ZNRF1: variants seen among roughly 807,000 people sequenced by gnomAD.
ZNRF1 encodes the protein zinc and ring finger 1.
ZNRF1 carries 3 observed loss-of-function variants against 18.4 expected under a neutral mutation model. The ratio of observed to expected loss-of-function variants is 0.16; its 90% CI spans 0.07 to 0.42. The LOEUF is 0.42. Ranked by LOEUF, ZNRF1 falls within the 10% of genes least tolerant of loss-of-function variation. The pLI is 0.99. For synonymous variants in ZNRF1, 157 were observed against 144.2 expected (o/e 1.09, Z -0.64); for missense variants, 310 against 329.8 (o/e 0.94, Z 0.47).
chr16:75,028,330 G>A (rs533153447), intron 1 of ZNRF1, among the ~76,000 whole-genome samples: 2 of 152,240 alleles, frequency 1.3e-5, no homozygotes, highest in South Asian at 2.1e-4. Context: ...AGTTTCACTC[G>A]ACGCCCAGGC....
rs1427671344 is a variant in ZNRF1 at position 75,085,618 on chromosome 16, A to G, written c.425-7954A>G. Among the ~76,000 whole-genome samples, 6 of 152,226 alleles carry G rather than the reference A, an allele frequency of 3.9e-5. No homozygotes were observed. In the East Asian group the frequency reaches 7.7e-4, roughly 20 times the overall value. On this transcript the variant is annotated intron_variant, in intron 1 of 4. Coordinates refer to ENST00000335325, the MANE Select transcript of ZNRF1 (RefSeq NM_032268.5). Reference sequence around the variant, plus strand: ...ATAAGAAACTACCAGACCTTTCCCCAAAGTGGCTGTGTCATTTTATATTCC... The same window carrying G: ...ATAAGAAACTACCAGACCTTTCCCCGAAGTGGCTGTGTCATTTTATATTCC...
At chr16:75,079,013 C>G (rs1319238802) in intron 1 of ZNRF1, among the ~76,000 whole-genome samples, 2 of 152,222 alleles carry the variant, frequency 1.3e-5, no homozygotes, top group African/African-American at 4.8e-5. Context: ...TTACTCCCAA[C>G]CTTCTCCTTC....
At chr16:75,073,162 G>GTCTCTCTC (rs769783120) in intron 1 of ZNRF1, among the ~76,000 whole-genome samples, 3 of 136,284 alleles carry the variant, frequency 2.2e-5, no homozygotes, top group Non-Finnish European at 4.8e-5. Context: ...CTGTCTCTCT[G>GTCTCTCTC]TCTATATATA....
At chr16:75,011,308 G>A (rs2034996905) in intron 1 of ZNRF1, among the ~76,000 whole-genome samples, 2 of 152,192 alleles carry the variant, frequency 1.3e-5, no homozygotes, top group Non-Finnish European at 2.9e-5. Flanking sequence ...CATTTAGATT[G>A]TGTAAATGAT....
At chr16:75,000,824 C>T (rs1051747992) in intron 1 of ZNRF1, among the ~76,000 whole-genome samples, 7 of 152,116 alleles carry the variant, frequency 4.6e-5, no homozygotes, top group Non-Finnish European at 8.8e-5. Context: ...TTGGTCTTCC[C>T]GTGAATCTGC....
At chr16:75,070,088 T>C (rs1161317372) in intron 1 of ZNRF1, among the ~76,000 whole-genome samples, 1 of 152,074 alleles carries the variant, frequency 6.6e-6, no homozygotes, top group Non-Finnish European at 1.5e-5. Flanking sequence ...GCAGAAAATA[T>C]AAGGGGATGC....
At chr16:75,032,080 A>G (rs1263555863) in intron 1 of ZNRF1, among the ~76,000 whole-genome samples, 2 of 137,774 alleles carry the variant, frequency 1.5e-5, no homozygotes, top group African/African-American at 5.4e-5. Flanking sequence ...TTTGCAAAGG[A>G]TATTGGGCAT....
intron 1 of ZNRF1, among the ~76,000 whole-genome samples, chr16:75,092,001 A>G (rs1334415033): frequency 6.6e-6 from 1 of 152,150 alleles, no homozygotes; most frequent in Non-Finnish European, 1.5e-5. Context: ...TGTTATTAAG[A>G]AAATGATAAG....
intron 4 of ZNRF1, 117 bp from the exon 5 acceptor site, chr16:75,107,616 C>G (rs551389605): frequency 2.2e-4 from 96 of 431,862 alleles, no homozygotes; most frequent in African/African-American, 1.8e-3. Flanking sequence ...TGTTTGGCTT[C>G]TGGGGTCCTG....
intron 2 of ZNRF1, 81 bp from the exon 3 acceptor site, chr16:75,104,703 A>T (rs562314601): frequency 1.6e-6 from 2 of 1,253,158 alleles, no homozygotes; most frequent in Non-Finnish European, 2.3e-6. Flanking sequence ...GCAGTCCCCT[A>T]GTTCCTAGGC....
chr16:75,035,341 G>A (rs2035364190), intron 1 of ZNRF1, among the ~76,000 whole-genome samples: 1 of 152,168 alleles, frequency 6.6e-6, no homozygotes, highest in African/African-American at 2.4e-5. Context: ...GCCTTAAAAT[G>A]TTTTTCTTAT....
chr16:75,007,997 T>G (rs148752011), intron 1 of ZNRF1, among the ~76,000 whole-genome samples: 1 of 152,276 alleles, frequency 6.6e-6, no homozygotes, highest in East Asian at 1.9e-4. Context: ...CTGGAGTATC[T>G]GGGACTACAG....
intron 1 of ZNRF1, among the ~76,000 whole-genome samples, chr16:75,026,168 C>T (rs1330203599): frequency 6.6e-6 from 1 of 152,126 alleles, no homozygotes; most frequent in Admixed American, 6.6e-5. Context: ...AATAACTAAG[C>T]ATCTTATTTG....
intron 1 of ZNRF1, among the ~76,000 whole-genome samples, chr16:75,027,446 C>G (rs1285693328): frequency 6.6e-6 from 1 of 152,112 alleles, no homozygotes; most frequent in African/African-American, 2.4e-5. Context: ...GATTTTCTTA[C>G]CTTGTCAGCC....
intron 1 of ZNRF1, among the ~76,000 whole-genome samples, chr16:75,050,884 A>C (rs1378268032): frequency 1.4e-4 from 14 of 101,894 alleles, no homozygotes; most frequent in African/African-American, 4.2e-4. Flanking sequence ...AAAAAAAAAA[A>C]AAAACAAAAA....
chr16:75,106,536 C>T lies in ZNRF1; in HGVS notation c.681C>T (p.Asp227=). The T allele has an allele frequency of 1.9e-6, 3 of 1,614,128 alleles. No homozygotes were observed. The highest frequency in any genetic ancestry group is 2.5e-6 in the Non-Finnish European group (3 of 1,180,026). ...GATCTTGTCCGGAACACCCTGCGGA[C>T]TGACCTGCGGGCTTGCTTGCTGACT... The part of the protein sequence containing the change: ...VNRSCPEHPA[D] Residue 227 remains aspartate (D), a synonymous_variant, in exon 4 of 5, where the codon GAC becomes GAT. Coordinates refer to ENST00000335325, the MANE Select transcript of ZNRF1 (RefSeq NM_032268.5).
At chr16:75,095,811 TC>T in intron 2 of ZNRF1, 1 of 1,415,314 alleles carries the variant, frequency 7.1e-7, no homozygotes, top group Non-Finnish European at 9.4e-7. Context: ...TGTCCCCCTG[TC>T]CCCCTCTGTA....
intron 2 of ZNRF1, chr16:75,095,087 A>C (rs1401106254): frequency 6.6e-6 from 1 of 152,644 alleles, no homozygotes; most frequent in Non-Finnish European, 1.5e-5. Context: ...GAAGTAACTG[A>C]CTAATGGCGT....
At position 75,105,200 on chromosome 16, in the gene ZNRF1, G is replaced by C. The variant is rs1167995645; in HGVS notation, c.626+311G>C. 4 of 301,564 alleles carry C rather than the reference G, an allele frequency of 1.3e-5. No individual in the cohort carries two copies. The East Asian group carries it at 3.4e-4, about 25-fold the overall frequency. The allele number at this position is 301,564 out of a possible 1,614,324, so 18.7% of individuals were successfully genotyped here. Reference sequence around the variant, plus strand: ...GCTTCGGATCCCACTGGGAAGGTTGGTTCTCCGTCTGTCTCCCTGCCTCTT... The same window carrying C: ...GCTTCGGATCCCACTGGGAAGGTTGCTTCTCCGTCTGTCTCCCTGCCTCTT... On this transcript the variant is annotated intron_variant, in intron 3 of 4. Coordinates refer to ENST00000335325, the MANE Select transcript of ZNRF1 (RefSeq NM_032268.5).
Sources: gnomAD v4.1 joint callset for allele counts (sites outside exome capture counted in the v4.1 genomes callset) on GRCh38, gnomAD v4.1.1 for gene constraint, MANE v1.5 for transcripts, NCBI Gene and HGNC (gene_info 2026-07-23, HGNC 2026-07-21) for gene names.